PIKFYVE: variants seen among roughly 807,000 people sequenced by gnomAD.
PIKFYVE encodes phosphoinositide kinase, FYVE-type zinc finger containing.
In PIKFYVE, 122 loss-of-function variants were observed where a neutral mutation model predicts 257.9. That is an observed-to-expected ratio of 0.47 (90% CI 0.41 to 0.55). The LOEUF is 0.55. Ranked by LOEUF, PIKFYVE falls within the 20% of genes least tolerant of loss-of-function variation. The probability of loss-of-function intolerance (pLI) is 0.00; values close to 1 mark genes in which losing one functional copy is unlikely to be tolerated. For synonymous variants in PIKFYVE, 892 were observed against 868.9 expected (o/e 1.03, Z -0.47); for missense variants, 2,160 against 2,536.6 (o/e 0.85, Z 3.19).
intron 7 of PIKFYVE, among the ~76,000 whole-genome samples, chr2:208,291,797 T>C (rs1315632743): frequency 6.6e-6 from 1 of 152,148 alleles, no homozygotes; most frequent in Non-Finnish European, 1.5e-5. Flanking sequence ...TCTATTGACT[T>C]CTTCTCTAAT....
intron 1 of PIKFYVE, among the ~76,000 whole-genome samples, chr2:208,270,946 G>T (rs1273875161): frequency 1.3e-5 from 2 of 151,770 alleles, no homozygotes; most frequent in African/African-American, 4.8e-5. Flanking sequence ...TGAGGCAGGA[G>T]GATCACTTGA....
Position 208,354,569 on chromosome 2 carries a change from A to C in PIKFYVE, c.6107-2A>C, listed in dbSNP as rs1208682500. 5 of 1,609,602 alleles carry C rather than the reference A, an allele frequency of 3.1e-6. No homozygotes were observed. The highest frequency in any genetic ancestry group is 4.3e-6 in the Non-Finnish European group (5 of 1,175,976). On this transcript the variant is annotated splice_acceptor_variant, in intron 40 of 41. Coordinates refer to ENST00000264380, the MANE Select transcript of PIKFYVE (RefSeq NM_015040.4). LOFTEE classifies it high-confidence loss of function. ...GCTAATTTCACTCCTTCTACCCCCC[A>C]GATTATATTCGAACATTTACATGGG...
chr2:208,308,328 C>T (rs1041810487), intron 12 of PIKFYVE, among the ~76,000 whole-genome samples: 23 of 151,198 alleles, frequency 1.5e-4, no homozygotes, highest in African/African-American at 5.4e-4. Context: ...TTGAGCTTGG[C>T]AGGTTGAGGC....
intron 20 of PIKFYVE, 142 bp downstream of exon 20, chr2:208,326,571 C>T: frequency 1.1e-6 from 1 of 898,732 alleles, no homozygotes; most frequent in Non-Finnish European, 1.8e-6. Flanking sequence ...TTGTTTTTGT[C>T]TTGAGTCTGC....
chr2:208,339,836 C>G (rs66826643), intron 30 of PIKFYVE, among the ~76,000 whole-genome samples, 175 bp from the exon 31 acceptor site: 15,299 of 152,200 alleles, frequency 0.1, 851 homozygotes, highest in Non-Finnish European at 0.12. Flanking sequence ...GTATGCTTCA[C>G]TGTTGTTTCC....
chr2:208,329,980 G>T, intron 22 of PIKFYVE, 67 bp downstream of exon 22: 1 of 1,572,618 alleles, frequency 6.4e-7, no homozygotes, highest in African/African-American at 1.3e-5. Flanking sequence ...AAGCTAAAAC[G>T]TAAACATGAG....
At position 208,353,945 on chromosome 2, in the gene PIKFYVE, C is replaced by T; in HGVS notation, c.5892C>T (p.Asp1964=). The T allele has an allele frequency of 6.2e-7, 1 of 1,613,990 alleles. No individual in the cohort carries two copies. Among genetic ancestry groups the T allele is most frequent in the Non-Finnish European group, 8.5e-7 (1 of 1,179,926 alleles). The change falls in exon 40 of 42, where the codon GAC becomes GAT. Residue 1964 remains aspartate (D), a synonymous_variant. Transcript: ENST00000264380. ...GSLRNRNVKT[D]TGKESCDVVL... ...TTAGGAATCGGAATGTAAAAACTGACACTGGAAAAGAGAGTTGTGATGTGG... is the reference window on the plus strand; with the variant it reads ...TTAGGAATCGGAATGTAAAAACTGATACTGGAAAAGAGAGTTGTGATGTGG...
chr2:208,325,425 T>G lies in PIKFYVE; in HGVS notation c.2614T>G (p.Phe872Val). ...VAYHSQLEISFLMDEFAMPPT... is the reference protein window; with the variant it reads ...VAYHSQLEISVLMDEFAMPPT... ...TTATCATTCTCAACTAGAAATATCC[T>G]TTCTCATGGATGAATTTGCTATGCC... Residue 872 changes from phenylalanine (F) to valine (V), a missense_variant, in exon 20 of 42, where the codon TTT becomes GTT. Around this residue, in one of 12 missense-constraint regions of PIKFYVE, gnomAD observed 522 missense variants for 514.6 expected, o/e 1.01. Transcript: ENST00000264380. The G allele has an allele frequency of 6.2e-7, 1 of 1,614,164 alleles. No individual in the cohort carries two copies. The highest frequency in any genetic ancestry group is 8.5e-7 in the Non-Finnish European group (1 of 1,180,008).
At chr2:208,322,054 T>G in intron 17 of PIKFYVE, among the ~76,000 whole-genome samples, 1 of 152,100 alleles carries the variant, frequency 6.6e-6, no homozygotes, top group Non-Finnish European at 1.5e-5. Flanking sequence ...TCATGTTGGT[T>G]TCAGAATGTA....
At chr2:208,296,357 A>T (rs1312927825) in intron 7 of PIKFYVE, among the ~76,000 whole-genome samples, 2 of 152,178 alleles carry the variant, frequency 1.3e-5, no homozygotes, top group Non-Finnish European at 2.9e-5. Flanking sequence ...AGGATTTGCT[A>T]ATCAACTGGA....
At chr2:208,292,720 T>C (rs1692472473) in intron 7 of PIKFYVE, among the ~76,000 whole-genome samples, 1 of 152,182 alleles carries the variant, frequency 6.6e-6, no homozygotes, top group Admixed American at 6.5e-5. Context: ...ATTTTTAAAA[T>C]TGACACATAA....
At chr2:208,318,712 T>C (rs1051403358) in intron 16 of PIKFYVE, among the ~76,000 whole-genome samples, 1 of 152,148 alleles carries the variant, frequency 6.6e-6, no homozygotes, top group Non-Finnish European at 1.5e-5. Context: ...ACCAGCACTT[T>C]GGGAGGCCGA....
At position 208,271,810 on chromosome 2, in the gene PIKFYVE, G is replaced by A. The variant is rs548476865; in HGVS notation, c.172+119G>A. 54 of 972,726 alleles carry A rather than the reference G, an allele frequency of 5.6e-5. No individual in the cohort carries two copies. In the African/African-American group the frequency reaches 8.2e-4, roughly 15 times the overall value. The allele number at this position is 972,726 out of a possible 1,614,324, so 60.3% of individuals were successfully genotyped here. On this transcript the variant is annotated intron_variant, in intron 2 of 41. Transcript: ENST00000264380. ...AGTACTCTGTTCAGCTTTAATGCTG[G>A]GTCTGTAAGAAAGTGAAATATTAAC...
chr2:208,338,442 A>T, intron 28 of PIKFYVE, 66 bp from the exon 29 acceptor site: 1 of 1,500,364 alleles, frequency 6.7e-7, no homozygotes, highest in Non-Finnish European at 9.3e-7. Flanking sequence ...GATTCACTGG[A>T]TTAAAAAATT....
intron 2 of PIKFYVE, among the ~76,000 whole-genome samples, chr2:208,272,199 T>C (rs1462077924): frequency 6.6e-6 from 1 of 151,476 alleles, no homozygotes; most frequent in East Asian, 1.9e-4. Context: ...TGCGCGACTG[T>C]ACTCCAGCCT....
chr2:208,286,721 A>G (rs547686861), intron 6 of PIKFYVE, among the ~76,000 whole-genome samples: 90 of 150,182 alleles, frequency 6.0e-4, no homozygotes, highest in African/African-American at 1.9e-3. Flanking sequence ...GGGTCTTGCC[A>G]TGTTGACCAG....
intron 23 of PIKFYVE, among the ~76,000 whole-genome samples, chr2:208,331,922 G>C (rs2125642391): frequency 1.3e-5 from 2 of 152,308 alleles, no homozygotes; most frequent in South Asian, 4.1e-4. Flanking sequence ...TAACTGGGTA[G>C]ACTGACCATG....
At chr2:208,306,525 G>C (rs1694331690) in intron 12 of PIKFYVE, among the ~76,000 whole-genome samples, 1 of 152,208 alleles carries the variant, frequency 6.6e-6, no homozygotes, top group African/African-American at 2.4e-5. Context: ...TGTTAAAGAA[G>C]TTTTGAAAAT....
intron 7 of PIKFYVE, among the ~76,000 whole-genome samples, chr2:208,290,828 C>G (rs67669827): frequency 0.13 from 20,084 of 152,122 alleles, 1,416 homozygotes; most frequent in Non-Finnish European, 0.15. Context: ...GTAGTATTAT[C>G]TCATGTGATT....
Sources: gnomAD v4.1 joint callset for allele counts (sites outside exome capture counted in the v4.1 genomes callset) on GRCh38, gnomAD v4.1.1 for gene constraint, gnomAD v4.1.1 regional missense constraint, MANE v1.5 for transcripts, NCBI Gene and HGNC (gene_info 2026-07-23, HGNC 2026-07-21) for gene names.